Variants in ZNF732 observed in about 807,000 individuals in gnomAD.
ZNF732 encodes the protein zinc finger protein LOC654254.
Under a neutral mutation model 11.5 loss-of-function variants are expected in ZNF732, and 12 were observed. The ratio of observed to expected loss-of-function variants is 1.05; its 90% CI spans 0.67 to 1.70. ZNF732 has a LOEUF of 1.70. Ranked by LOEUF, ZNF732 falls within the 40% of genes most tolerant of loss-of-function variation. The pLI is 0.00. For missense variants in ZNF732, 702 were observed against 676.9 expected, an observed-to-expected ratio of 1.04 and a Z score of -0.41; for synonymous variants, 231 against 236.5, an observed-to-expected ratio of 0.98 and a Z score of 0.21.
rs560225987 is a variant in ZNF732 at position 304,532 on chromosome 4, A to C, written c.3+776T>G. Among the ~76,000 whole-genome samples the C allele has an allele frequency of 3.5e-3, 529 of 151,490 alleles. 4 individuals are homozygous for C. Among genetic ancestry groups the C allele is most frequent in the African/African-American group, 0.012 (505 of 41,254 alleles). ...CTAACGACACCACCCAGAGTCAGCG[A>C]AGACCCCACAAGCTCAGCGCTCTTC... On this transcript the variant is annotated intron_variant, in intron 1 of 3. Coordinates refer to ENST00000419098, the MANE Select transcript of ZNF732 (RefSeq NM_001137608.3).
At chr4:290,664 A>G (rs1719827081) in intron 3 of ZNF732, among the ~76,000 whole-genome samples, 1 of 152,218 alleles carries the variant, frequency 6.6e-6, no homozygotes, top group Middle Eastern at 3.2e-3. Flanking sequence ...GGGCCATCAT[A>G]TACAGACAAA....
chr4:275,956 T>C (rs1553838613), intron 3 of ZNF732, among the ~76,000 whole-genome samples: 1 of 151,744 alleles, frequency 6.6e-6, no homozygotes, highest in African/African-American at 2.4e-5. Flanking sequence ...AAACATATTC[T>C]AAAAATATAG....
intron 1 of ZNF732, among the ~76,000 whole-genome samples, chr4:300,366 G>C (rs1720089403): frequency 6.8e-6 from 1 of 147,086 alleles, no homozygotes; most frequent in Non-Finnish European, 1.5e-5. Flanking sequence ...AGGAGGCTGA[G>C]ACAGGAGAAT....
At chr4:293,692 A>C (rs951663686) in intron 3 of ZNF732, among the ~76,000 whole-genome samples, 5 of 152,132 alleles carry the variant, frequency 3.3e-5, no homozygotes, top group Admixed American at 3.3e-4. Context: ...GTAGGCCTTA[A>C]GTGTTCTTAT....
intron 1 of ZNF732, among the ~76,000 whole-genome samples, chr4:301,369 T>C (rs1488270123): frequency 6.6e-6 from 1 of 152,230 alleles, no homozygotes; most frequent in South Asian, 2.1e-4. Context: ...CATTACTGGG[T>C]ATATATCCAA....
chr4:284,923 A>G (rs1316527368), intron 3 of ZNF732, among the ~76,000 whole-genome samples: 1 of 151,796 alleles, frequency 6.6e-6, no homozygotes, highest in Non-Finnish European at 1.5e-5. Context: ...ACAAAAAACA[A>G]AAAAGATAAA....
chr4:277,667 CATT>C (rs1719526923), intron 3 of ZNF732, among the ~76,000 whole-genome samples: 1 of 151,304 alleles, frequency 6.6e-6, no homozygotes, highest in Non-Finnish European at 1.5e-5. Context: ...TTAGTAGAGC[CATT>C]ATAGAAAAAA....
chr4:298,481 G>C (rs1720009453), intron 1 of ZNF732, among the ~76,000 whole-genome samples: 1 of 152,004 alleles, frequency 6.6e-6, no homozygotes, highest in African/African-American at 2.4e-5. Flanking sequence ...GATTCTTTGA[G>C]GGGAGAAACA....
intron 3 of ZNF732, among the ~76,000 whole-genome samples, chr4:294,642 T>C (rs1459450839): frequency 1.3e-5 from 2 of 152,194 alleles, no homozygotes; most frequent in South Asian, 4.1e-4. Context: ...TTTTTGCTTA[T>C]CTAAGGTGGT....
chr4:294,126 C>T (rs1407830341), intron 3 of ZNF732, among the ~76,000 whole-genome samples: 1 of 152,124 alleles, frequency 6.6e-6, no homozygotes, highest in East Asian at 1.9e-4. Flanking sequence ...CTCAGCCTCC[C>T]AAGTAGCTGG....
At chr4:278,760 C>T (rs1425207189) in intron 3 of ZNF732, among the ~76,000 whole-genome samples, 1 of 152,178 alleles carries the variant, frequency 6.6e-6, no homozygotes, top group East Asian at 1.9e-4. Flanking sequence ...GACCTCTCTT[C>T]GTCTGTGCAC....
chr4:304,850 C>A (rs558641829), intron 1 of ZNF732, among the ~76,000 whole-genome samples: 20 of 152,374 alleles, frequency 1.3e-4, no homozygotes, highest in Middle Eastern at 6.8e-3. Flanking sequence ...AAAAGCTTTT[C>A]CTTCAAGACC....
intron 3 of ZNF732, among the ~76,000 whole-genome samples, chr4:280,949 T>C (rs1553839668): frequency 6.6e-6 from 1 of 152,124 alleles, no homozygotes; most frequent in Non-Finnish European, 1.5e-5. Context: ...GAAGGAATCC[T>C]GCCCAGACAC....
At chr4:297,631 A>C (rs1581546964) in intron 1 of ZNF732, among the ~76,000 whole-genome samples, 1 of 133,754 alleles carries the variant, frequency 7.5e-6, no homozygotes, top group African/African-American at 2.7e-5. Context: ...AAAAAAAAAA[A>C]ACTGCAGGGA....
chr4:301,972 T>A (rs1017293026), intron 1 of ZNF732, among the ~76,000 whole-genome samples: 1 of 152,358 alleles, frequency 6.6e-6, no homozygotes, highest in South Asian at 2.1e-4. Flanking sequence ...ACGGAATCAG[T>A]GTCAGATTTG....
intron 3 of ZNF732, among the ~76,000 whole-genome samples, chr4:290,150 C>T (rs1336589093): frequency 1.3e-5 from 2 of 152,150 alleles, no homozygotes; most frequent in African/African-American, 4.8e-5. Flanking sequence ...TAAACTCCTA[C>T]AAAACATAAG....
chr4:295,652 T>C, intron 2 of ZNF732, 119 bp from the exon 3 acceptor site: 1 of 914,862 alleles, frequency 1.1e-6, no homozygotes, highest in Non-Finnish European at 1.6e-6. Flanking sequence ...CCAAAAATTG[T>C]TTCCTGGCAG....
Position 300,908 on chromosome 4 carries a change from G to C in ZNF732, c.3+4400C>G, listed in dbSNP as rs540630704. ...ACTAAAGAGCTTCTGCACAGCAAAA[G>C]AAACTACCATCAGAGTGAACAGGCA... On this transcript the variant is annotated intron_variant, in intron 1 of 3. Coordinates refer to ENST00000419098, the MANE Select transcript of ZNF732 (RefSeq NM_001137608.3). Among the ~76,000 whole-genome samples the C allele has an allele frequency of 1.5e-3, 228 of 152,256 alleles. 2 individuals carry two copies. Among genetic ancestry groups the C allele is most frequent in the African/African-American group, 5.3e-3 (221 of 41,530 alleles).
intron 3 of ZNF732, among the ~76,000 whole-genome samples, chr4:290,865 T>A (rs1223748328): frequency 6.6e-6 from 1 of 152,148 alleles, no homozygotes; most frequent in Non-Finnish European, 1.5e-5. Context: ...CCAGAGGTAG[T>A]CTCATCAGCC....
Sources: allele counts gnomAD v4.1 joint callset (sites outside exome capture counted in the v4.1 genomes callset), GRCh38; gene constraint gnomAD v4.1.1; transcripts MANE v1.5; gene names NCBI Gene and HGNC (gene_info 2026-07-23, HGNC 2026-07-21).